The following MEF2A variants were observed in gnomAD, a reference collection of about 807,000 sequenced individuals.
The protein encoded by MEF2A is myocyte enhancer factor 2A.
Under a neutral mutation model 55.8 loss-of-function variants are expected in MEF2A, and 28 were observed. That is an observed-to-expected ratio of 0.50 (90% CI 0.37 to 0.69). MEF2A has a LOEUF of 0.69. Among genes scored for constraint, MEF2A ranks in the 30% least tolerant of loss-of-function variants. The pLI is 0.00. For synonymous variants in MEF2A, 239 were observed against 227.1 expected (o/e 1.05, Z -0.47); for missense variants, 528 against 626.2 (o/e 0.84, Z 1.67).
intron 3 of MEF2A, 53 bp downstream of exon 3, chr15:99,633,226 G>A (rs1262294051): frequency 7.7e-7 from 1 of 1,303,532 alleles, no homozygotes; most frequent in Non-Finnish European, 1.0e-6. Flanking sequence ...TTTAAAAAAA[G>A]AACATAGGAC....
At chr15:99,646,471 G>A (rs2045979686) in intron 4 of MEF2A, among the ~76,000 whole-genome samples, 3 of 151,710 alleles carry the variant, frequency 2.0e-5, no homozygotes, top group African/African-American at 7.3e-5. Flanking sequence ...AGTTACTTTT[G>A]TCTCTTTTGT....
At chr15:99,614,348 C>CA (rs1159060163) in intron 2 of MEF2A, among the ~76,000 whole-genome samples, 1 of 152,146 alleles carries the variant, frequency 6.6e-6, no homozygotes, top group Non-Finnish European at 1.5e-5. Context: ...CTCACCGTCC[C>CA]AAAGTGCTGG....
chr15:99,629,667 G>A (rs188903044), intron 2 of MEF2A, among the ~76,000 whole-genome samples: 241 of 151,880 alleles, frequency 1.6e-3, no homozygotes, highest in African/African-American at 5.7e-3. Flanking sequence ...AAGGGAAAAA[G>A]GCCGGGGTGG....
intron 4 of MEF2A, among the ~76,000 whole-genome samples, chr15:99,664,173 TAA>T (rs2049167513): frequency 4.6e-5 from 7 of 152,336 alleles, no homozygotes; most frequent in Admixed American, 3.3e-4. Context: ...GTGACTTGGG[TAA>T]AGAGACTAAT....
intron 8 of MEF2A, among the ~76,000 whole-genome samples, chr15:99,700,876 A>G (rs1013367925): frequency 6.6e-6 from 1 of 151,892 alleles, no homozygotes; most frequent in African/African-American, 2.4e-5. Flanking sequence ...AATAAAAAAC[A>G]TTGAGTCCAT....
chr15:99,628,277 TTG>T (rs2042359906), intron 2 of MEF2A, among the ~76,000 whole-genome samples: 1 of 152,200 alleles, frequency 6.6e-6, no homozygotes, highest in African/African-American at 2.4e-5. Flanking sequence ...TTCTTTTGGT[TTG>T]TGTTTTACAT....
intron 4 of MEF2A, among the ~76,000 whole-genome samples, chr15:99,666,130 G>A (rs968491913): frequency 1.3e-5 from 2 of 152,012 alleles, no homozygotes; most frequent in East Asian, 1.9e-4. Flanking sequence ...GTAAAGACAC[G>A]TGCACACATA....
At chr15:99,644,640 C>T (rs1163385586) in intron 3 of MEF2A, among the ~76,000 whole-genome samples, 1 of 152,190 alleles carries the variant, frequency 6.6e-6, no homozygotes, top group East Asian at 1.9e-4. Flanking sequence ...TGTTGTTGCA[C>T]AATTCCAAAG....
chr15:99,664,003 G>A (rs768560464), intron 4 of MEF2A, among the ~76,000 whole-genome samples: 24 of 152,176 alleles, frequency 1.6e-4, no homozygotes, highest in Non-Finnish European at 3.2e-4. Context: ...TAAGTAGAAT[G>A]ATAGGACGTA....
Position 99,595,149 on chromosome 15 carries a change from T to C in MEF2A, c.-224-3281T>C, listed in dbSNP as rs1970721485. On this transcript the variant is annotated intron_variant, in intron 1 of 11. Transcript: ENST00000557942. ...CCTTGGGAAGTTGCTTCTTTAGTAT[T>C]TGCGTTCCCTCTTGAGAATAGTAAT... 3.3e-5 allele frequency among the ~76,000 whole-genome samples: 5 copies of C among 152,216 alleles called. No individual in the cohort carries two copies. The South Asian group carries it at 1.0e-3, about 31-fold the overall frequency.
At chr15:99,566,333 G>A (rs1426466275) in intron 1 of MEF2A, 1 of 148,846 alleles carries the variant, frequency 6.7e-6, no homozygotes, top group African/African-American at 2.5e-5. Context: ...AGGGTGCTGG[G>A]AGGCGGGTAG....
intron 8 of MEF2A, among the ~76,000 whole-genome samples, chr15:99,700,610 C>A (rs2057279402): frequency 6.6e-6 from 1 of 152,084 alleles, no homozygotes; most frequent in Admixed American, 6.5e-5. Context: ...GCAATAGCAT[C>A]CAGTAACTGA....
chr15:99,681,377 G>A (rs891277157), intron 7 of MEF2A, among the ~76,000 whole-genome samples: 2 of 152,206 alleles, frequency 1.3e-5, no homozygotes, highest in Non-Finnish European at 2.9e-5. Flanking sequence ...GAAGTCTTTA[G>A]AACAAGCTGA....
intron 4 of MEF2A, among the ~76,000 whole-genome samples, chr15:99,648,134 T>G (rs2046277619): frequency 6.6e-6 from 1 of 152,176 alleles, no homozygotes; most frequent in South Asian, 2.1e-4. Flanking sequence ...GGGTCTTAGT[T>G]TTTACAAAGT....
intron 4 of MEF2A, among the ~76,000 whole-genome samples, chr15:99,649,582 A>C (rs558506595): frequency 7.9e-5 from 12 of 152,278 alleles, no homozygotes; most frequent in African/African-American, 2.9e-4. Context: ...TGTATGAAGA[A>C]AATGTTATAA....
At chr15:99,611,384 C>T (rs954059840) in intron 2 of MEF2A, among the ~76,000 whole-genome samples, 3 of 151,954 alleles carry the variant, frequency 2.0e-5, no homozygotes, top group Non-Finnish European at 4.4e-5. Context: ...GGATTTTCTC[C>T]GAAGAAGATA....
intron 2 of MEF2A, among the ~76,000 whole-genome samples, chr15:99,630,354 G>C (rs2042757305): frequency 6.6e-6 from 1 of 151,790 alleles, no homozygotes; most frequent in African/African-American, 2.4e-5. Flanking sequence ...TCTTTCTTCA[G>C]CTGTGTCTAA....
At chr15:99,708,520 T>G (rs1157802022) in intron 10 of MEF2A, among the ~76,000 whole-genome samples, 1 of 152,250 alleles carries the variant, frequency 6.6e-6, no homozygotes, top group Non-Finnish European at 1.5e-5. Context: ...TCGCTTAGCG[T>G]CAGTCTCATG....
chr15:99,676,909 C>G (rs2052217659), intron 7 of MEF2A, among the ~76,000 whole-genome samples: 1 of 151,966 alleles, frequency 6.6e-6, no homozygotes, highest in South Asian at 2.1e-4. Context: ...CAAATAGTCT[C>G]TGGAAGAATA....
Sources: gnomAD v4.1 joint callset for allele counts (sites outside exome capture counted in the v4.1 genomes callset) on GRCh38, gnomAD v4.1.1 for gene constraint, MANE v1.5 for transcripts, NCBI Gene and HGNC (gene_info 2026-07-23, HGNC 2026-07-21) for gene names.